PLA2R1: variants seen among roughly 807,000 people sequenced by gnomAD.
The protein encoded by PLA2R1 is phospholipase A2 receptor 1.
Under a neutral mutation model 195.9 loss-of-function variants are expected in PLA2R1, and 158 were observed. That is an observed-to-expected ratio of 0.81 (90% CI 0.71 to 0.92). PLA2R1 has a LOEUF of 0.92. Ranked by LOEUF, PLA2R1 falls within the 40% of genes least tolerant of loss-of-function variation. The probability of loss-of-function intolerance (pLI) is 0.00; values close to 1 mark genes in which losing one functional copy is unlikely to be tolerated. For synonymous variants in PLA2R1, 586 were observed against 598.2 expected (o/e 0.98, Z 0.30); for missense variants, 1,626 against 1,764.6 (o/e 0.92, Z 1.41).
chr2:160,005,887 A>G (rs1691950333), intron 10 of PLA2R1, 66 bp from the exon 11 acceptor site: 1 of 1,088,504 alleles, frequency 9.2e-7, no homozygotes, highest in African/African-American at 1.5e-5. Context: ...TCATTAAAGC[A>G]TAATGAAGTG....
In PLA2R1 at chr2:159,939,990, A is replaced by C. The variant is rs77473440; in HGVS notation, c.*1788T>G. 1 of 152,230 alleles carries C rather than the reference A, an allele frequency of 6.6e-6. No individual in the cohort carries two copies. Among genetic ancestry groups the C allele is most frequent in the African/African-American group, 2.4e-5 (1 of 41,466 alleles). The allele number at this position is 152,230 out of a possible 1,614,324, so 9.4% of individuals were successfully genotyped here. On this transcript the variant is annotated 3_prime_UTR_variant, in exon 30 of 30. Transcript: ENST00000283243. Reference sequence around the variant, plus strand: ...TGGAGGTAGACTGTCCCAGTGTGTAAATTATTATAACAGTAGCAAAGAGCT... The same window carrying C: ...TGGAGGTAGACTGTCCCAGTGTGTACATTATTATAACAGTAGCAAAGAGCT...
At position 159,955,224 on chromosome 2, in the gene PLA2R1, A is replaced by C; in HGVS notation, c.3276T>G (p.Tyr1092Ter). Residue 1092 changes from tyrosine to a stop codon, truncating the protein, a stop_gained, in exon 23 of 30, where the codon TAT becomes TAG. Coordinates refer to ENST00000283243, the MANE Select transcript of PLA2R1 (RefSeq NM_007366.5). LOFTEE classifies it high-confidence loss of function. ...CTTGCATTTTTTCACAAACAAACCC[A>C]TAGCCTTCCTTTCCACAGTCTTCAA... is the stretch of plus-strand genomic sequence containing the variant. The part of the protein sequence containing the change: ...WYFEDCGKEG[Y>*]GFVCEKMQDT... 1 of 1,610,328 alleles carries C rather than the reference A, an allele frequency of 6.2e-7. No homozygotes were observed. The highest frequency in any genetic ancestry group is 8.5e-7 in the Non-Finnish European group (1 of 1,178,308).
Position 159,979,775 on chromosome 2 carries a change from T to G in PLA2R1, c.2268+55A>C, listed in dbSNP as rs1574722369. On this transcript the variant is annotated intron_variant, in intron 14 of 29. Coordinates refer to ENST00000283243, the MANE Select transcript of PLA2R1 (RefSeq NM_007366.5). ...TTCTCTTGGTTGGTTTACCAAGTGG[T>G]CCCAGGCCCACTTGTTTTGAATCCA... 2.9e-6 allele frequency: 3 copies of G among 1,018,166 alleles called. No homozygotes were observed. The East Asian group carries it at 7.3e-5, about 25-fold the overall frequency. 63.1% of individuals were successfully genotyped at this position (1,018,166 alleles called of 1,614,324 possible).
chr2:159,931,048 C>T (rs896603917), downstream of PLA2R1, among the ~76,000 whole-genome samples: 5 of 152,180 alleles, frequency 3.3e-5, no homozygotes, highest in Admixed American at 1.3e-4. Flanking sequence ...AAGTCTCAAA[C>T]ACGAACAGCT....
intron 9 of PLA2R1, among the ~76,000 whole-genome samples, chr2:160,013,721 C>CTGTGTGTGTGTGTGTG (rs71000325): frequency 5.1e-4 from 59 of 116,566 alleles, no homozygotes; most frequent in Admixed American, 7.7e-4. Flanking sequence ...CTCTCTCTCT[C>CTGTGTGTGTGTGTGTG]TGTGTGTGTG....
chr2:159,994,972 T>C (rs988725484), intron 11 of PLA2R1, among the ~76,000 whole-genome samples: 1 of 151,920 alleles, frequency 6.6e-6, no homozygotes, highest in African/African-American at 2.4e-5. Flanking sequence ...ATTTTGCTGG[T>C]ATGACATGAA....
Position 159,955,765 on chromosome 2 carries a change from T to G in PLA2R1, c.3086A>C (p.Asp1029Ala). 1.7e-5 allele frequency: 27 copies of G among 1,591,692 alleles called. No homozygotes were observed. The highest frequency in any genetic ancestry group is 2.3e-5 in the Non-Finnish European group (27 of 1,162,648). Reference protein sequence around the residue: ...TSVWIGLQNDDYETWLNGKPV... With the variant: ...TSVWIGLQNDAYETWLNGKPV... The stretch of plus-strand genomic sequence containing the variant: ...CTTTCCATTTAGCCATGTTTCATAA[T>G]CATCATTTTGTAAACCTATCCACAC... Residue 1029 changes from aspartate to alanine, a missense_variant, in exon 22 of 30, where the codon GAT becomes GCT. Physicochemically the swap from Asp to Ala is moderately radical, Grantham distance 126. Transcript: ENST00000283243.
rs201924802 is a variant in PLA2R1 at position 159,987,334 on chromosome 2, A to G, written c.1859T>C (p.Met620Thr). Reference sequence around the variant, plus strand: ...GCGACCAAGTGGATGCCTTCCTCGCATGGCAACACAGCCACCACTGTAGCC... The same window carrying G: ...GCGACCAAGTGGATGCCTTCCTCGCGTGGCAACACAGCCACCACTGTAGCC... ...QPRYSGGCVA[M>T]RGRHPLGRWE... Residue 620 changes from methionine to threonine, a missense_variant, in exon 12 of 30, where the codon ATG becomes ACG. Met to Thr is a moderately conservative substitution (Grantham distance 81). Coordinates refer to ENST00000283243, the MANE Select transcript of PLA2R1 (RefSeq NM_007366.5). 2 of 1,611,560 alleles carry G rather than the reference A, an allele frequency of 1.2e-6. No homozygotes were observed. Among genetic ancestry groups the G allele is most frequent in the African/African-American group, 2.7e-5 (2 of 74,996 alleles).
chr2:159,955,746 A>G lies in PLA2R1; in HGVS notation c.3105T>C (p.Asn1035=), dbSNP rs544994412. ...AGTTAGAATATACCACAGGCTTTCC[A>G]TTTAGCCATGTTTCATAATCATCAT... ...LQNDDYETWL[N]GKPVVYSNWS... is the part of the protein sequence containing the mutation. Residue 1035 remains asparagine (N), a synonymous_variant, in exon 22 of 30, where the codon AAT becomes AAC. Transcript: ENST00000283243. The G allele has an allele frequency of 6.3e-7, 1 of 1,584,246 alleles. No homozygotes were observed. The highest frequency in any genetic ancestry group is 1.1e-5 in the South Asian group (1 of 89,634).
chr2:160,032,494 T>C (rs1441622553), intron 4 of PLA2R1, among the ~76,000 whole-genome samples: 1 of 152,236 alleles, frequency 6.6e-6, no homozygotes, highest in Admixed American at 6.5e-5. Flanking sequence ...TATGTGCTTT[T>C]GCTTTTCCCA....
rs1426646698 is a variant in PLA2R1, at chr2:159,936,368, AAT to A, written c.*5408_*5409del. 1 of 152,360 alleles carries A rather than the reference AAT, an allele frequency of 6.6e-6. No individual in the cohort carries two copies. Among genetic ancestry groups the A allele is most frequent in the African/African-American group, 2.4e-5 (1 of 41,582 alleles). The allele number at this position is 152,360 out of a possible 1,614,324, so 9.4% of individuals were successfully genotyped here. On this transcript the variant is annotated 3_prime_UTR_variant, in exon 30 of 30. Transcript: ENST00000283243. ...GTATACAATTGATCAGAACAAAATA[AAT>A]ATGTTACAAAGATTAAGATAGTATA... is the stretch of plus-strand genomic sequence containing the variant.
intron 11 of PLA2R1, among the ~76,000 whole-genome samples, chr2:159,996,867 C>T (rs1429419799): frequency 6.6e-6 from 1 of 152,072 alleles, no homozygotes; most frequent in East Asian, 1.9e-4. Flanking sequence ...TGATCTGTAG[C>T]ATTTCTTTTT....
chr2:160,033,143 T>G lies in PLA2R1; in HGVS notation c.668-11A>C, dbSNP rs752311667. On this transcript the variant is annotated splice_polypyrimidine_tract_variant and intron_variant, in intron 3 of 29. Coordinates refer to ENST00000283243, the MANE Select transcript of PLA2R1 (RefSeq NM_007366.5). ...CTACTTCTGCAGAGGCTGGAAACAA[T>G]GGCCATTAAAAACAACCAGGTCTTA... The G allele has an allele frequency of 6.3e-7, 1 of 1,599,644 alleles. No individual in the cohort carries two copies. Among genetic ancestry groups the G allele is most frequent in the Admixed American group, 1.8e-5 (1 of 56,600 alleles).
chr2:159,933,785 G>GT lies in PLA2R1; in HGVS notation c.*7992dup. The GT allele has an allele frequency of 6.6e-6, 1 of 152,348 alleles. No individual in the cohort carries two copies. The highest frequency in any genetic ancestry group is 1.9e-4 in the East Asian group (1 of 5,188). The allele number at this position is 152,348 out of a possible 1,614,324, so 9.4% of individuals were successfully genotyped here. A position where few individuals can be genotyped will look rare whatever the true frequency, so the allele number is the denominator to read the frequency against. On this transcript the variant is annotated 3_prime_UTR_variant, in exon 30 of 30. Coordinates refer to ENST00000283243, the MANE Select transcript of PLA2R1 (RefSeq NM_007366.5). Reference sequence around the variant, plus strand: ...TGCTTGCTAAGATACGTTAAAGTATGTAAGACTTCCCCATTTAGGTTTTCA... The same window carrying GT: ...TGCTTGCTAAGATACGTTAAAGTATGTTAAGACTTCCCCATTTAGGTTTTCA...
chr2:159,977,187 A>G, intron 15 of PLA2R1, 97 bp downstream of exon 15: 1 of 888,916 alleles, frequency 1.1e-6, no homozygotes, highest in Non-Finnish European at 1.7e-6. Flanking sequence ...TTTATCATGC[A>G]ATTTGTTGAT....
chr2:159,962,982 T>C (rs1258160238), intron 20 of PLA2R1, among the ~76,000 whole-genome samples: 3 of 152,096 alleles, frequency 2.0e-5, no homozygotes, highest in Non-Finnish European at 2.9e-5. Context: ...TGTATATCTA[T>C]GTAACAAAAT....
Position 159,946,882 on chromosome 2 carries a change from T to G in PLA2R1, c.3886A>C (p.Asn1296His), listed in dbSNP as rs1687419411. Residue 1296 changes from asparagine (N) to histidine (H), a missense_variant, in exon 27 of 30, where the codon AAT (asparagine) becomes CAT (histidine). Coordinates refer to ENST00000283243, the MANE Select transcript of PLA2R1 (RefSeq NM_007366.5). Reference sequence around the variant, plus strand: ...AACAGCTCTTCTAGGAGAAATGCATTTTCAGCCTCATCCTTGATTGTTAAA... The same window carrying G: ...AACAGCTCTTCTAGGAGAAATGCATGTTCAGCCTCATCCTTGATTGTTAAA... Reference protein sequence around the residue: ...NLLTIKDEAENAFLLEELFAF... With the variant: ...NLLTIKDEAEHAFLLEELFAF... The G allele has an allele frequency of 1.2e-6, 2 of 1,610,516 alleles. No individual in the cohort carries two copies. The highest frequency in any genetic ancestry group is 1.7e-6 in the Non-Finnish European group (2 of 1,178,624).
chr2:159,964,983 T>C (rs929687587), intron 20 of PLA2R1, among the ~76,000 whole-genome samples: 1 of 152,074 alleles, frequency 6.6e-6, no homozygotes, highest in African/African-American at 2.4e-5. Flanking sequence ...GGGGAGATCA[T>C]GTCACTGCAC....
intron 1 of PLA2R1, among the ~76,000 whole-genome samples, chr2:160,055,664 G>A (rs758969183): frequency 6.6e-6 from 1 of 152,170 alleles, no homozygotes; most frequent in Non-Finnish European, 1.5e-5. Context: ...TGCTTGGTTC[G>A]AATCCCCATG....
Sources: allele counts gnomAD v4.1 joint callset (sites outside exome capture counted in the v4.1 genomes callset), GRCh38; gene constraint gnomAD v4.1.1; transcripts MANE v1.5; gene names NCBI Gene and HGNC (gene_info 2026-07-23, HGNC 2026-07-21).